TAFA2: variants seen among roughly 807,000 people sequenced by gnomAD.
TAFA2 encodes TAFA chemokine like family member 2, also known as chemokine-like protein TAFA-2.
In TAFA2, 7 loss-of-function variants were observed where a neutral mutation model predicts 18.8. The ratio of observed to expected loss-of-function variants is 0.37; its 90% CI spans 0.21 to 0.70. The LOEUF is 0.70. Ranked by LOEUF, TAFA2 falls within the 30% of genes least tolerant of loss-of-function variation. The pLI, the probability that TAFA2 is intolerant of heterozygous loss-of-function variation, is 0.53. For missense variants in TAFA2, 122 were observed against 158.1 expected (o/e 0.77, Z 1.23); for synonymous variants, 60 against 54.2 (o/e 1.11, Z -0.47).
At chr12:62,202,980 A>AC (rs1217441273) in intron 1 of TAFA2, among the ~76,000 whole-genome samples, 1 of 151,840 alleles carries the variant, frequency 6.6e-6, no homozygotes, top group Non-Finnish European at 1.5e-5. Context: ...GCACATGCCA[A>AC]CATGCCCAGC....
intron 2 of TAFA2, among the ~76,000 whole-genome samples, chr12:61,849,698 T>A (rs1022060461): frequency 1.3e-5 from 2 of 152,180 alleles, no homozygotes; most frequent in Non-Finnish European, 2.9e-5. Flanking sequence ...AAGGAAGGCG[T>A]TCACAGAGCC....
intron 1 of TAFA2, among the ~76,000 whole-genome samples, chr12:62,067,395 C>T (rs1882518101): frequency 6.6e-6 from 1 of 151,946 alleles, no homozygotes; most frequent in African/African-American, 2.4e-5. Context: ...TGTCCAGTCC[C>T]ATGTCCTGGA....
At chr12:61,981,289 G>A (rs778836741) in intron 1 of TAFA2, among the ~76,000 whole-genome samples, 7 of 151,964 alleles carry the variant, frequency 4.6e-5, no homozygotes, top group Non-Finnish European at 7.4e-5. Flanking sequence ...CCTTCCTTAC[G>A]CCTTATACAA....
At chr12:62,200,566 A>G (rs1266323117) in intron 1 of TAFA2, among the ~76,000 whole-genome samples, 1 of 152,052 alleles carries the variant, frequency 6.6e-6, no homozygotes, top group African/African-American at 2.4e-5. Context: ...ATGGTTGTAG[A>G]TATGCAATCT....
chr12:62,195,296 C>T (rs2062644558), upstream of TAFA2, among the ~76,000 whole-genome samples: 1 of 152,106 alleles, frequency 6.6e-6, no homozygotes, highest in Non-Finnish European at 1.5e-5. Context: ...GTCATTTCAA[C>T]AATATTCACA....
intron 4 of TAFA2, among the ~76,000 whole-genome samples, chr12:61,726,870 T>C (rs1422453004): frequency 6.6e-6 from 1 of 152,152 alleles, no homozygotes; most frequent in Non-Finnish European, 1.5e-5. Flanking sequence ...GGGTTTGTCA[T>C]GAATGGCTTT....
At chr12:62,006,129 G>T (rs1565713116) in intron 1 of TAFA2, among the ~76,000 whole-genome samples, 1 of 151,984 alleles carries the variant, frequency 6.6e-6, no homozygotes, top group African/African-American at 2.4e-5. Context: ...ATCTACCCTG[G>T]TGATGGTAGT....
At chr12:62,235,233 T>C in intron 1 of TAFA2, 2 of 660,578 alleles carry the variant, frequency 3.0e-6, no homozygotes, top group South Asian at 3.2e-5. Context: ...CACGCCATGC[T>C]CAGGCAGTGG....
Position 62,059,206 on chromosome 12 carries a change from T to C in TAFA2, c.-2+132053A>G, listed in dbSNP as rs1393140611. ...TCTGGCATGAGCCTGTAGTCCCAGC[T>C]ATCAGAGGGCTGAAGCGGAAAGATC... On this transcript the variant is annotated intron_variant, in intron 1 of 4. Coordinates refer to ENST00000416284, the MANE Select transcript of TAFA2 (RefSeq NM_178539.5). Among the ~76,000 whole-genome samples, 3 of 150,638 alleles carry C rather than the reference T, an allele frequency of 2.0e-5. No individual in the cohort carries two copies. In the East Asian group the frequency reaches 5.9e-4, roughly 29 times the overall value.
intron 4 of TAFA2, among the ~76,000 whole-genome samples, chr12:61,719,116 T>A (rs1869786408): frequency 6.6e-6 from 1 of 152,148 alleles, no homozygotes; most frequent in East Asian, 1.9e-4. Flanking sequence ...CCAAACCCTA[T>A]CTTGCCTTTG....
intron 1 of TAFA2, among the ~76,000 whole-genome samples, chr12:62,151,897 G>A (rs1313830629): frequency 6.6e-6 from 1 of 152,212 alleles, no homozygotes; most frequent in East Asian, 1.9e-4. Context: ...ATCAGATACA[G>A]TTACCTAGTG....
At chr12:61,745,472 C>T (rs1280114676) in intron 4 of TAFA2, among the ~76,000 whole-genome samples, 1 of 151,948 alleles carries the variant, frequency 6.6e-6, no homozygotes, top group African/African-American at 2.4e-5. Flanking sequence ...TCCATTTAGC[C>T]ATGTAGCTCA....
Position 62,039,459 on chromosome 12 carries a change from C to G in TAFA2, c.-2+151800G>C, listed in dbSNP as rs145769883. The stretch of plus-strand genomic sequence containing the variant: ...CATATTTCCTCAAAAAAATTTTTCA[C>G]TGGGTTCTTACTCACTCTGGACAAG... On this transcript the variant is annotated intron_variant, in intron 1 of 4. Coordinates refer to ENST00000416284, the MANE Select transcript of TAFA2 (RefSeq NM_178539.5). 2.7e-3 allele frequency among the ~76,000 whole-genome samples: 404 copies of G among 152,188 alleles called. 3 individuals are homozygous for G. Among genetic ancestry groups the G allele is most frequent in the African/African-American group, 9.0e-3 (375 of 41,524 alleles).
chr12:61,727,390 C>T (rs1870220483), intron 4 of TAFA2, among the ~76,000 whole-genome samples: 1 of 151,142 alleles, frequency 6.6e-6, no homozygotes, highest in African/African-American at 2.4e-5. Flanking sequence ...CCATTTCAAA[C>T]TTGCTGCTTG....
chr12:61,905,807 C>A (rs1317190725), intron 1 of TAFA2, among the ~76,000 whole-genome samples: 2 of 152,148 alleles, frequency 1.3e-5, no homozygotes, highest in African/African-American at 4.8e-5. Flanking sequence ...AAGGCAAATA[C>A]TCATTTTATT....
chr12:61,727,306 C>A (rs901826902), intron 4 of TAFA2, among the ~76,000 whole-genome samples: 4 of 150,940 alleles, frequency 2.7e-5, no homozygotes, highest in African/African-American at 9.7e-5. Flanking sequence ...GGTACCAATT[C>A]TTCTTTGTTT....
chr12:61,828,174 T>C (rs918389484), intron 2 of TAFA2, among the ~76,000 whole-genome samples: 3 of 151,898 alleles, frequency 2.0e-5, no homozygotes, highest in African/African-American at 4.8e-5. Flanking sequence ...TGATCAATCC[T>C]TTTTAGTGTA....
At position 61,778,060 on chromosome 12, in the gene TAFA2, G is replaced by A. The variant is rs148630597; in HGVS notation, c.107-23036C>T. Reference sequence around the variant, plus strand: ...TCTTTCCTATTGTGAATGACCTTGCGCAAGTTATTTCACTAAAAAGTCTCA... The same window carrying A: ...TCTTTCCTATTGTGAATGACCTTGCACAAGTTATTTCACTAAAAAGTCTCA... On this transcript the variant is annotated intron_variant, in intron 2 of 4. Transcript: ENST00000416284. Among the ~76,000 whole-genome samples the A allele has an allele frequency of 3.3e-3, 502 of 151,756 alleles. 2 individuals are homozygous for A. The highest frequency in any genetic ancestry group is 5.3e-3 in the Non-Finnish European group (360 of 67,822).
intron 1 of TAFA2, among the ~76,000 whole-genome samples, chr12:61,920,322 A>G (rs1876997071): frequency 6.6e-6 from 1 of 152,302 alleles, no homozygotes; most frequent in East Asian, 1.9e-4. Flanking sequence ...AGCATCCTTT[A>G]TCTCACTAAA....
Sources: allele counts gnomAD v4.1 joint callset (sites outside exome capture counted in the v4.1 genomes callset), GRCh38; gene constraint gnomAD v4.1.1; transcripts MANE v1.5; gene names NCBI Gene and HGNC (gene_info 2026-07-23, HGNC 2026-07-21).